Variants in CSMD1 observed in about 807,000 individuals in gnomAD.
CSMD1 encodes the protein CUB and Sushi multiple domains 1, also known as CUB and sushi domain-containing protein 1.
A neutral mutation model predicts 417.5 loss-of-function variants in CSMD1; 213 were observed. The ratio of observed to expected loss-of-function variants is 0.51; its 90% CI spans 0.46 to 0.57. The LOEUF (loss-of-function observed/expected upper bound fraction) is 0.57. Among genes scored for constraint, CSMD1 ranks in the 20% least tolerant of loss-of-function variants. The pLI, the probability that CSMD1 is intolerant of heterozygous loss-of-function variation, is 0.00. For missense variants in CSMD1, 6,923 were observed against 4,529.7 expected (o/e 1.53, Z -15.17); for synonymous variants, 2,862 against 1,736.8 (o/e 1.65, Z -16.11).
intron 5 of CSMD1, among the ~76,000 whole-genome samples, chr8:3,978,420 C>A (rs1008192324): frequency 5.9e-5 from 9 of 151,748 alleles, no homozygotes; most frequent in African/African-American, 2.2e-4. Context: ...TATTTTTTTT[C>A]TATTCATACT....
intron 12 of CSMD1, among the ~76,000 whole-genome samples, chr8:3,443,163 C>G (rs532703563): frequency 6.6e-6 from 1 of 152,134 alleles, no homozygotes; most frequent in African/African-American, 2.4e-5. Context: ...CACGTGTCAC[C>G]TTCTGCTGCA....
intron 12 of CSMD1, among the ~76,000 whole-genome samples, chr8:3,460,784 C>T (rs1453875815): frequency 1.3e-5 from 2 of 152,126 alleles, no homozygotes; most frequent in Non-Finnish European, 2.9e-5. Context: ...AGATTATTTT[C>T]CCCGGCTGCT....
chr8:3,210,587 TTAA>T (rs1797548846), intron 30 of CSMD1, among the ~76,000 whole-genome samples: 1 of 141,560 alleles, frequency 7.1e-6, no homozygotes, highest in Non-Finnish European at 1.5e-5. Context: ...TGTGTATAAA[TTAA>T]TATATAGGTG....
At chr8:4,816,594 C>T (rs941623160) in intron 1 of CSMD1, among the ~76,000 whole-genome samples, 1 of 152,184 alleles carries the variant, frequency 6.6e-6, no homozygotes, top group Non-Finnish European at 1.5e-5. Context: ...GAGTGTCAAG[C>T]ACAGTCGAGG....
intron 3 of CSMD1, among the ~76,000 whole-genome samples, chr8:4,169,241 A>G (rs1797627448): frequency 6.6e-6 from 1 of 152,072 alleles, no homozygotes; most frequent in Non-Finnish European, 1.5e-5. Context: ...TGTTCTCAAT[A>G]CTGCACACAG....
chr8:4,134,429 C>T (rs920854228), intron 3 of CSMD1, among the ~76,000 whole-genome samples: 182 of 152,258 alleles, frequency 1.2e-3, no homozygotes, highest in African/African-American at 4.0e-3. Flanking sequence ...AGGGAGAAGA[C>T]AGGTGTCTAC....
At chr8:3,168,193 G>A (rs976273171) in intron 37 of CSMD1, among the ~76,000 whole-genome samples, 7 of 152,064 alleles carry the variant, frequency 4.6e-5, no homozygotes, top group African/African-American at 1.2e-4. Context: ...AAATACAGGC[G>A]CATACAGACA....
At chr8:4,137,065 C>T (rs1803485846) in intron 3 of CSMD1, among the ~76,000 whole-genome samples, 1 of 152,162 alleles carries the variant, frequency 6.6e-6, no homozygotes, top group South Asian at 2.1e-4. Flanking sequence ...CTCTAACTTC[C>T]TTTGCTACTT....
At chr8:4,246,537 T>C (rs565417641) in intron 3 of CSMD1, among the ~76,000 whole-genome samples, 1 of 152,330 alleles carries the variant, frequency 6.6e-6, no homozygotes, top group African/African-American at 2.4e-5. Flanking sequence ...CTTTTTTTAC[T>C]TAAGATGTTT....
rs537097762 is a variant in CSMD1, at chr8:3,505,648, G to C, written c.1345-11922C>G. Among the ~76,000 whole-genome samples the C allele has an allele frequency of 3.3e-5, 5 of 152,140 alleles. No homozygotes were observed. In the South Asian group the frequency reaches 6.2e-4, roughly 19 times the overall value. On this transcript the variant is annotated intron_variant, in intron 10 of 69. Transcript: ENST00000635120. ...TTTGAGGAAATACAAATCAAAGTTA[G>C]TTTTGTCTTTTTTTGGTAGCATAAC...
intron 10 of CSMD1, among the ~76,000 whole-genome samples, chr8:3,514,875 G>T (rs372379694): frequency 2.6e-5 from 4 of 151,908 alleles, no homozygotes; most frequent in African/African-American, 9.7e-5. Context: ...AAAAATCAGA[G>T]AAATAAAATA....
intron 1 of CSMD1, among the ~76,000 whole-genome samples, chr8:4,960,316 T>G (rs999376306): frequency 6.6e-6 from 1 of 152,174 alleles, no homozygotes; most frequent in Non-Finnish European, 1.5e-5. Context: ...TATAGACAAG[T>G]GTGTTTAATG....
chr8:4,579,909 C>G (rs1291195813), intron 2 of CSMD1, among the ~76,000 whole-genome samples: 1 of 152,106 alleles, frequency 6.6e-6, no homozygotes, highest in Non-Finnish European at 1.5e-5. Context: ...ATAATTAAGT[C>G]TTTAACTCCA....
At chr8:3,623,981 CA>C (rs1796377355) in intron 7 of CSMD1, among the ~76,000 whole-genome samples, 1 of 150,006 alleles carries the variant, frequency 6.7e-6, no homozygotes, top group South Asian at 2.1e-4. Flanking sequence ...CACAAAAAAA[CA>C]AAACAAAACA....
chr8:3,969,317 A>C (rs1184206205), intron 5 of CSMD1, among the ~76,000 whole-genome samples: 2 of 152,194 alleles, frequency 1.3e-5, no homozygotes, highest in Non-Finnish European at 2.9e-5. Flanking sequence ...AGGGCTTCCC[A>C]GGCCCATGCT....
At chr8:3,077,951 C>T (rs937919583) in intron 49 of CSMD1, among the ~76,000 whole-genome samples, 7 of 152,222 alleles carry the variant, frequency 4.6e-5, no homozygotes, top group Admixed American at 2.0e-4. Context: ...AAGTTCTGGG[C>T]TGACTTTTTC....
At chr8:4,439,438 C>T (rs974699799) in intron 2 of CSMD1, among the ~76,000 whole-genome samples, 25 of 152,078 alleles carry the variant, frequency 1.6e-4, no homozygotes, top group African/African-American at 5.8e-4. Context: ...TAATGATTTT[C>T]ATCTAACTTT....
At chr8:4,099,984 T>A (rs963942637) in intron 3 of CSMD1, among the ~76,000 whole-genome samples, 4 of 151,802 alleles carry the variant, frequency 2.6e-5, no homozygotes, top group Non-Finnish European at 5.9e-5. Flanking sequence ...TACAGTTGTC[T>A]AAACTCTCAT....
chr8:4,669,785 T>C (rs1380577815), intron 1 of CSMD1, among the ~76,000 whole-genome samples: 1 of 152,194 alleles, frequency 6.6e-6, no homozygotes, highest in Non-Finnish European at 1.5e-5. Context: ...AATATTTTTC[T>C]AGAAGGAGAA....
Sources: gnomAD v4.1 joint callset for allele counts (sites outside exome capture counted in the v4.1 genomes callset) on GRCh38, gnomAD v4.1.1 for gene constraint, MANE v1.5 for transcripts, NCBI Gene and HGNC (gene_info 2026-07-23, HGNC 2026-07-21) for gene names.